Variants in SF3B2 observed in about 807,000 individuals in gnomAD.
SF3B2 encodes the protein splicing factor 3b subunit 2, also known as SAP 145.
SF3B2 carries 22 observed loss-of-function variants against 116.3 expected under a neutral mutation model. The observed-to-expected ratio is 0.19, with a 90% CI of 0.14 to 0.27. The LOEUF (loss-of-function observed/expected upper bound fraction) is 0.27. SF3B2 is among the 10% of genes least tolerant of loss of function. The pLI is 1.00. For missense variants in SF3B2, 767 were observed against 1,151.4 expected, an observed-to-expected ratio of 0.67 and a Z score of 4.83; for synonymous variants, 406 against 421.6, an observed-to-expected ratio of 0.96 and a Z score of 0.45.
intron 5 of SF3B2, chr11:66,055,880 A>G: frequency 2.5e-6 from 1 of 392,966 alleles, no homozygotes; most frequent in Non-Finnish European, 4.5e-6. Context: ...ATAAAGCCTA[A>G]AATATTTACC....
intron 5 of SF3B2, 129 bp downstream of exon 5, chr11:66,055,714 C>A: frequency 1.3e-6 from 1 of 772,354 alleles, no homozygotes; most frequent in Non-Finnish European, 2.1e-6. Context: ...TAGTATCTTC[C>A]AAAGCTTTCA....
In SF3B2 at chr11:66,068,815, C is replaced by T. The variant is rs1857239422; in HGVS notation, c.*70C>T. The T allele has an allele frequency of 1.7e-6, 2 of 1,177,458 alleles. No individual in the cohort carries two copies. Among genetic ancestry groups the T allele is most frequent in the African/African-American group, 1.5e-5 (1 of 65,354 alleles). 72.9% of individuals were successfully genotyped at this position (1,177,458 alleles called of 1,614,324 possible). A position where few individuals can be genotyped will look rare whatever the true frequency, so the allele number is the denominator to read the frequency against. Reference sequence around the variant, plus strand: ...TGGGCTTCACACAAGAACCACCTCTCCCGCAGTTCCCAAGGACTTGTCATT... The same window carrying T: ...TGGGCTTCACACAAGAACCACCTCTTCCGCAGTTCCCAAGGACTTGTCATT... On this transcript the variant is annotated 3_prime_UTR_variant, in exon 22 of 22. Transcript: ENST00000322535.
rs1236353848 is a variant in SF3B2 at position 66,063,005 on chromosome 11, G to A, written c.1978-4G>A. On this transcript the variant is annotated splice_region_variant and splice_polypyrimidine_tract_variant and intron_variant, in intron 16 of 21. Coordinates refer to ENST00000322535, the MANE Select transcript of SF3B2 (RefSeq NM_006842.3). ...GTGAACTGATTGTGCTCACTGTCTT[G>A]CAGAGCTGTTCCTTTGGGTACCATG... 3 of 1,609,436 alleles carry A rather than the reference G, an allele frequency of 1.9e-6. No individual in the cohort carries two copies. Among genetic ancestry groups the A allele is most frequent in the East Asian group, 2.2e-5 (1 of 44,846 alleles).
intron 9 of SF3B2, 81 bp from the exon 10 acceptor site, chr11:66,058,739 TGTGGGGGAGA>T (rs1857046592): frequency 1.8e-6 from 2 of 1,108,484 alleles, no homozygotes; most frequent in Admixed American, 4.8e-5. Flanking sequence ...ACTGTTGAAC[TGTGGGGGAGA>T]ATGGGGGAGG....
chr11:66,062,927 C>CTT (rs954688650), intron 16 of SF3B2, 82 bp from the exon 17 acceptor site: 2 of 853,148 alleles, frequency 2.3e-6, no homozygotes, highest in African/African-American at 3.4e-5. Context: ...CAGCTCTGTA[C>CTT]TTTTGAGTGT....
At chr11:66,056,318 T>C (rs1400987453) in intron 5 of SF3B2, among the ~76,000 whole-genome samples, 2 of 147,684 alleles carry the variant, frequency 1.4e-5, no homozygotes, top group Admixed American at 1.4e-4. Flanking sequence ...GAGGATGGCT[T>C]GAGCTGGGGA....
At chr11:66,058,517 C>T in intron 9 of SF3B2, 112 bp downstream of exon 9, 1 of 793,702 alleles carries the variant, frequency 1.3e-6, no homozygotes, top group Non-Finnish European at 2.1e-6. Flanking sequence ...GTGCCAATTT[C>T]CGCCCTCAGC....
chr11:66,065,824 T>C (rs1857173340), intron 19 of SF3B2: 1 of 152,248 alleles, frequency 6.6e-6, no homozygotes, highest in South Asian at 2.1e-4. Context: ...CTTTCTCTCT[T>C]AACTTTTTGA....
In SF3B2 at chr11:66,061,947, C is replaced by G. The variant is rs200985249; in HGVS notation, c.1926C>G (p.Pro642=). The change falls in exon 16 of 22, where the codon CCC becomes CCG. Residue 642 remains proline, a synonymous_variant. Transcript: ENST00000322535. Reference sequence around the variant, plus strand: ...TTGCCATGCAGCGATATGGACCACCCCCATCGTATCCCAACCTGAAAATCC... The same window carrying G: ...TTGCCATGCAGCGATATGGACCACCGCCATCGTATCCCAACCTGAAAATCC... The part of the protein sequence containing the change: ...WLIAMQRYGP[P]PSYPNLKIPG... 1.3e-5 allele frequency: 21 copies of G among 1,613,694 alleles called. No individual in the cohort carries two copies. The East Asian group carries it at 3.8e-4, about 29-fold the overall frequency.
intron 14 of SF3B2, among the ~76,000 whole-genome samples, chr11:66,061,482 G>A (rs916415362): frequency 6.6e-6 from 1 of 152,196 alleles, no homozygotes; most frequent in African/African-American, 2.4e-5. Flanking sequence ...AACGTTGGCC[G>A]TGTTCTCATA....
chr11:66,060,036 GC>G, intron 13 of SF3B2, 27 bp downstream of exon 13: 1 of 1,598,896 alleles, frequency 6.3e-7, no homozygotes. Flanking sequence ...GCTCAGACCT[GC>G]CCCCGGGTGT....
chr11:66,057,622 T>A (rs1310354177), intron 7 of SF3B2, among the ~76,000 whole-genome samples: 1 of 152,164 alleles, frequency 6.6e-6, no homozygotes, highest in Non-Finnish European at 1.5e-5. Context: ...GCCCACTCTC[T>A]GCTGCTTACA....
At position 66,058,111 on chromosome 11, in the gene SF3B2, C is replaced by T; in HGVS notation, c.835C>T (p.Leu279=). 6.2e-7 allele frequency: 1 copy of T among 1,609,836 alleles called. No individual in the cohort carries two copies. Among genetic ancestry groups the T allele is most frequent in the Non-Finnish European group, 8.5e-7 (1 of 1,178,076 alleles). ...IPQALEKILQ[L]KESRQEEMNS... ...CCAGGCTTTGGAGAAGATCCTGCAG[C>T]TGAAGGAGAGCCGCCAGGAAGAGAT... Residue 279 remains leucine, a synonymous_variant, in exon 8 of 22, where the codon CTG becomes TTG. Transcript: ENST00000322535.
intron 16 of SF3B2, among the ~76,000 whole-genome samples, chr11:66,062,541 A>C (rs1483657300): frequency 7.4e-6 from 1 of 135,808 alleles, no homozygotes; most frequent in African/African-American, 2.7e-5. Flanking sequence ...CTCAGAAATA[A>C]TTTTATCTCA....
chr11:66,060,229 G>A (rs9326368), intron 13 of SF3B2, among the ~76,000 whole-genome samples: 146,179 of 152,334 alleles, frequency 0.96, 70,437 homozygotes, highest in East Asian at 1. Context: ...CTAGAGATTC[G>A]TGGTGGTTGT....
chr11:66,067,263 A>G (rs1277222460), intron 19 of SF3B2: 6 of 382,728 alleles, frequency 1.6e-5, no homozygotes, highest in African/African-American at 4.2e-5. Context: ...GGACCAGGCT[A>G]TGAACCCTTT....
chr11:66,054,167 G>A (rs1856948686), intron 3 of SF3B2, among the ~76,000 whole-genome samples: 1 of 123,290 alleles, frequency 8.1e-6, no homozygotes, highest in Non-Finnish European at 1.6e-5. Context: ...GGGCAATAGA[G>A]CGAGACTGTC....
Position 66,060,625 on chromosome 11 carries a change from G to A in SF3B2, c.1673G>A (p.Arg558Gln). Reference protein sequence around the residue: ...TMKSKMREKVRPKMGKIDIDY... With the variant: ...TMKSKMREKVQPKMGKIDIDY... Reference sequence around the variant, plus strand: ...AAGTCAAAAATGCGAGAGAAAGTTCGGCCTAAGATGGGCAAAATTGACATC... The same window carrying A: ...AAGTCAAAAATGCGAGAGAAAGTTCAGCCTAAGATGGGCAAAATTGACATC... The change falls in exon 14 of 22, where the codon CGG becomes CAG. Residue 558 changes from arginine to glutamine, a missense_variant. By Grantham distance (43) the Arg-to-Gln change is conservative. Transcript: ENST00000322535. 6.2e-7 allele frequency: 1 copy of A among 1,614,108 alleles called. No homozygotes were observed. The highest frequency in any genetic ancestry group is 1.7e-5 in the Admixed American group (1 of 60,004).
chr11:66,057,317 G>T lies in SF3B2; in HGVS notation c.719G>T (p.Gly240Val). ...VGPTPTVLPM[G>V]APVPRPRGPP... ...CCCACTCCTACAGTTTTGCCCATGG[G>T]AGCCCCTGTTCCCCGGCCTCGTGGT... Residue 240 changes from glycine to valine, a missense_variant, in exon 7 of 22, where the codon GGA (glycine) becomes GTA (valine). Around this residue, in one of 4 missense-constraint regions of SF3B2, gnomAD observed 455 missense variants for 537.5 expected, o/e 0.85. Coordinates refer to ENST00000322535, the MANE Select transcript of SF3B2 (RefSeq NM_006842.3). 6.2e-7 allele frequency: 1 copy of T among 1,610,268 alleles called. No homozygotes were observed. Among genetic ancestry groups the T allele is most frequent in the Non-Finnish European group, 8.5e-7 (1 of 1,176,468 alleles).
Sources: allele counts gnomAD v4.1 joint callset (sites outside exome capture counted in the v4.1 genomes callset), GRCh38; gene constraint gnomAD v4.1.1; regional missense constraint gnomAD v4.1.1; transcripts MANE v1.5; gene names NCBI Gene and HGNC (gene_info 2026-07-23, HGNC 2026-07-21).